The following PRKN variants were observed in gnomAD, a reference collection of about 807,000 sequenced individuals.
PRKN encodes parkin RBR E3 ubiquitin protein ligase, also known as E3 ubiquitin-protein ligase parkin.
Under a neutral mutation model 59.5 loss-of-function variants are expected in PRKN, and 56 were observed. That is an observed-to-expected ratio of 0.94 (90% CI 0.76 to 1.18). The LOEUF is 1.18. Among genes scored for constraint, PRKN ranks in the 50% most tolerant of loss-of-function variants. The pLI is 0.00. For synonymous variants in PRKN, 250 were observed against 222.1 expected (o/e 1.13, Z -1.12); for missense variants, 657 against 596.4 (o/e 1.10, Z -1.06).
chr6:162,398,295 T>C (rs1787577201), intron 2 of PRKN, among the ~76,000 whole-genome samples: 1 of 152,176 alleles, frequency 6.6e-6, no homozygotes, highest in Admixed American at 6.5e-5. Flanking sequence ...CCACAGTTAT[T>C]ATCATAGGTA....
chr6:162,282,475 T>C (rs1780951153), intron 2 of PRKN, among the ~76,000 whole-genome samples: 1 of 152,198 alleles, frequency 6.6e-6, no homozygotes, highest in Non-Finnish European at 1.5e-5. Flanking sequence ...GGATACACTA[T>C]TAAGCTATCT....
chr6:162,150,351 T>A (rs1473382966), intron 4 of PRKN, among the ~76,000 whole-genome samples: 1 of 152,148 alleles, frequency 6.6e-6, no homozygotes, highest in Non-Finnish European at 1.5e-5. Flanking sequence ...CTTCTCTGTT[T>A]CTGCTCCTGA....
intron 6 of PRKN, among the ~76,000 whole-genome samples, chr6:161,828,835 C>T (rs889639412): frequency 2.2e-4 from 34 of 151,422 alleles, no homozygotes; most frequent in African/African-American, 6.6e-4. Context: ...GACGCTGAGG[C>T]GGGAGAATTG....
intron 7 of PRKN, among the ~76,000 whole-genome samples, chr6:161,613,968 A>G (rs1373328771): frequency 6.6e-6 from 1 of 152,176 alleles, no homozygotes; most frequent in African/African-American, 2.4e-5. Flanking sequence ...ACCTGCTTTC[A>G]AGCTCATTCA....
rs1191575249 is a variant in PRKN, at chr6:161,584,501, C to A, written c.872-15085G>T. Reference sequence around the variant, plus strand: ...CAAATTGGGGGAAAAAACCTTATGGCTGGCCTGTTATTAGAAGAAAATCTT... The same window carrying A: ...CAAATTGGGGGAAAAAACCTTATGGATGGCCTGTTATTAGAAGAAAATCTT... On this transcript the variant is annotated intron_variant, in intron 7 of 11. Coordinates refer to ENST00000366898, the MANE Select transcript of PRKN (RefSeq NM_004562.3). The surrounding 1 kb of genome is among the most constrained non-coding windows in gnomAD (Gnocchi z 4.8). Among the ~76,000 whole-genome samples, 2 of 152,300 alleles carry A rather than the reference C, an allele frequency of 1.3e-5. No individual in the cohort carries two copies. The highest frequency in any genetic ancestry group is 2.9e-5 in the Non-Finnish European group (2 of 68,026).
chr6:162,230,943 G>T (rs1778396584), intron 3 of PRKN, among the ~76,000 whole-genome samples: 1 of 152,206 alleles, frequency 6.6e-6, no homozygotes. Flanking sequence ...AAGTAACATC[G>T]TGGGTTCAGA....
intron 4 of PRKN, among the ~76,000 whole-genome samples, chr6:162,078,253 G>T (rs1328530070): frequency 2.0e-5 from 3 of 151,922 alleles, no homozygotes; most frequent in Admixed American, 6.6e-5. Flanking sequence ...TGACTTTAGT[G>T]CATGGATACA....
rs187856421 is a variant in PRKN at position 162,564,123 on chromosome 6, G to C, written c.8-120650C>G. On this transcript the variant is annotated intron_variant, in intron 1 of 11. Transcript: ENST00000366898. ...GCACTTTGGGAGGCCGAGGTGGGTG[G>C]ATCACAGAGTCAGGAGATCGAGACC... 2.8e-4 allele frequency among the ~76,000 whole-genome samples: 42 copies of C among 152,160 alleles called. No individual in the cohort carries two copies. The East Asian group carries it at 8.1e-3, about 29-fold the overall frequency.
chr6:162,661,036 C>T (rs372858406), intron 1 of PRKN, among the ~76,000 whole-genome samples: 4 of 152,088 alleles, frequency 2.6e-5, no homozygotes, highest in African/African-American at 7.2e-5. Context: ...CTGAGGTGGG[C>T]GGATCACCTG....
chr6:161,522,128 C>G (rs906542453), intron 9 of PRKN, among the ~76,000 whole-genome samples: 1 of 152,016 alleles, frequency 6.6e-6, no homozygotes, highest in African/African-American at 2.4e-5. Context: ...TGGTTTTCAA[C>G]GTGATATTTA....
intron 3 of PRKN, among the ~76,000 whole-genome samples, chr6:162,231,368 T>C (rs973623836): frequency 4.6e-5 from 7 of 152,248 alleles, no homozygotes; most frequent in Non-Finnish European, 8.8e-5. Flanking sequence ...TTTCAGAGAA[T>C]GTGAAGTTCA....
intron 2 of PRKN, among the ~76,000 whole-genome samples, chr6:162,298,711 T>G (rs1438328967): frequency 4.2e-5 from 6 of 142,636 alleles, no homozygotes; most frequent in Middle Eastern, 4.1e-3. Context: ...AGCAGCAATC[T>G]TGGGGAGAGG....
At chr6:161,985,948 G>A (rs1781420713) in intron 5 of PRKN, among the ~76,000 whole-genome samples, 7 of 152,150 alleles carry the variant, frequency 4.6e-5, no homozygotes, top group Admixed American at 4.6e-4. Flanking sequence ...TTCGGCCTCA[G>A]TGTATCTATC....
intron 1 of PRKN, among the ~76,000 whole-genome samples, chr6:162,672,773 T>A (rs1779382738): frequency 1.3e-5 from 2 of 152,002 alleles, no homozygotes; most frequent in Non-Finnish European, 2.9e-5. Context: ...AAAACTTATC[T>A]GCCAGAGGTC....
chr6:162,444,870 C>T (rs1320395600), intron 1 of PRKN, among the ~76,000 whole-genome samples: 1 of 152,118 alleles, frequency 6.6e-6, no homozygotes, highest in Admixed American at 6.5e-5. Context: ...ATCTTGAAAA[C>T]ATAAATAAAC....
Position 161,548,980 on chromosome 6 carries a change from A to G in PRKN, c.957T>C (p.Gly319=), listed in dbSNP as rs144340740. The G allele has an allele frequency of 1.8e-3, 2,868 of 1,614,188 alleles. 55 individuals are homozygous for G. The African/African-American group carries it at 0.034, about 19-fold the overall frequency. ...CCATCTGCAGGACACACTCCTCTGC[A>G]CCATACTGCTGGTACCGGTTGTACT... is the stretch of plus-strand genomic sequence containing the variant. ...EEQYNRYQQY[G]AEECVLQMGG... is the part of the protein sequence containing the mutation. Residue 319 remains glycine (G), a synonymous_variant, in exon 9 of 12, where the codon GGT becomes GGC. Transcript: ENST00000366898. The surrounding 1 kb of genome is among the most constrained non-coding windows in gnomAD (Gnocchi z 4.2).
At chr6:162,104,202 G>T (rs1469937324) in intron 4 of PRKN, among the ~76,000 whole-genome samples, 2 of 152,160 alleles carry the variant, frequency 1.3e-5, no homozygotes, top group Non-Finnish European at 2.9e-5. Flanking sequence ...TTCAAGGTTG[G>T]TTGGAAGGGG....
At position 162,007,961 on chromosome 6, in the gene PRKN, A is replaced by G. The variant is rs576033754; in HGVS notation, c.619-34544T>C. ...CCAAGTTTGAAAATTATAGCTGTGG[A>G]TATATTTTCAGATGTCGCTAGGGGA... On this transcript the variant is annotated intron_variant, in intron 5 of 11. Coordinates refer to ENST00000366898, the MANE Select transcript of PRKN (RefSeq NM_004562.3). Among the ~76,000 whole-genome samples, 5 of 152,308 alleles carry G rather than the reference A, an allele frequency of 3.3e-5. 1 individual carries two copies. In the South Asian group the frequency reaches 1.0e-3, roughly 32 times the overall value.
chr6:162,483,928 T>G (rs528264064), intron 1 of PRKN, among the ~76,000 whole-genome samples: 31 of 152,328 alleles, frequency 2.0e-4, no homozygotes, highest in African/African-American at 7.5e-4. Context: ...TCCATTCATT[T>G]AAGGGAATAC....
Sources: gnomAD v4.1 joint callset for allele counts (sites outside exome capture counted in the v4.1 genomes callset) on GRCh38, gnomAD v4.1.1 for gene constraint, Gnocchi (gnomAD v3.1) non-coding constraint, MANE v1.5 for transcripts, NCBI Gene and HGNC (gene_info 2026-07-23, HGNC 2026-07-21) for gene names.